The following ASXL1 variants were observed in gnomAD, a reference collection of about 807,000 sequenced individuals.
ASXL1 encodes the protein polycomb group protein ASXL1.
Under a neutral mutation model 89.1 loss-of-function variants are expected in ASXL1, and 65 were observed. The observed-to-expected ratio is 0.73, with a 90% CI of 0.60 to 0.90. The LOEUF (loss-of-function observed/expected upper bound fraction) is 0.90, where lower values mean the gene tolerates loss of function less well. Among genes scored for constraint, ASXL1 ranks in the 40% least tolerant of loss-of-function variants. ASXL1 has a pLI of 0.00. For synonymous variants in ASXL1, 739 were observed against 746.9 expected, an observed-to-expected ratio of 0.99 and a Z score of 0.17; for missense variants, 1,786 against 1,942.9, an observed-to-expected ratio of 0.92 and a Z score of 1.52.
In ASXL1 at chr20:32,429,871, C is replaced by A; in HGVS notation, c.566-30C>A. 2 of 1,605,138 alleles carry A rather than the reference C, an allele frequency of 1.2e-6. No individual in the cohort carries two copies. The highest frequency in any genetic ancestry group is 1.7e-6 in the Non-Finnish European group (2 of 1,178,984). On this transcript the variant is annotated intron_variant, in intron 7 of 12. Coordinates refer to ENST00000375687, the MANE Select transcript of ASXL1 (RefSeq NM_015338.6). The surrounding 1 kb of genome is among the most constrained non-coding windows in gnomAD (Gnocchi z 4.9). ...GAGCCATGGGCGCGGCTTGGTGATA[C>A]TTTTGACCAGTGGAATGCTGTGCCT...
At chr20:32,363,863 C>T (rs1194782898) in intron 1 of ASXL1, among the ~76,000 whole-genome samples, 1 of 152,146 alleles carries the variant, frequency 6.6e-6, no homozygotes, top group Non-Finnish European at 1.5e-5. Flanking sequence ...GGTATATCTA[C>T]AAATTATTGG....
intron 4 of ASXL1, among the ~76,000 whole-genome samples, chr20:32,405,601 A>G (rs1025894944): frequency 2.0e-5 from 3 of 152,192 alleles, no homozygotes; most frequent in African/African-American, 4.8e-5. Context: ...TGGAGTTGTC[A>G]TATGTCTTTG....
At chr20:32,398,041 T>G (rs1327079195) in intron 4 of ASXL1, among the ~76,000 whole-genome samples, 1 of 152,226 alleles carries the variant, frequency 6.6e-6, no homozygotes, top group Non-Finnish European at 1.5e-5. Flanking sequence ...TTTGTAGCCT[T>G]ATAGTATCTA....
chr20:32,393,126 T>C (rs1031606520), intron 4 of ASXL1, among the ~76,000 whole-genome samples: 2 of 152,250 alleles, frequency 1.3e-5, no homozygotes, highest in African/African-American at 4.8e-5. Flanking sequence ...CGATTTTCTG[T>C]TCTATCAATT....
intron 10 of ASXL1, chr20:32,432,593 G>T: frequency 2.6e-6 from 1 of 386,774 alleles, no homozygotes; most frequent in Non-Finnish European, 4.9e-6. Flanking sequence ...CTTTCTAAGA[G>T]TAAACAATCA....
chr20:32,398,711 G>A (rs1469492425), intron 4 of ASXL1, among the ~76,000 whole-genome samples: 3 of 148,504 alleles, frequency 2.0e-5, no homozygotes, highest in East Asian at 4.0e-4. Flanking sequence ...CCGGGTTCAC[G>A]CCATTCTCCT....
intron 1 of ASXL1, 165 bp downstream of exon 1, chr20:32,358,997 C>T (rs1323383472): frequency 5.3e-6 from 4 of 755,214 alleles, no homozygotes; most frequent in African/African-American, 1.8e-5. Flanking sequence ...GGGTGGGGAG[C>T]GCTCCGCCGG....
chr20:32,416,955 C>T (rs921990340), intron 4 of ASXL1, among the ~76,000 whole-genome samples: 1 of 152,124 alleles, frequency 6.6e-6, no homozygotes, highest in African/African-American at 2.4e-5. Flanking sequence ...ATTCCTGATA[C>T]AGATCTATAG....
intron 1 of ASXL1, chr20:32,359,189 G>C: frequency 2.9e-6 from 2 of 695,276 alleles, no homozygotes; most frequent in Non-Finnish European, 5.2e-6. Context: ...CATTCACCCG[G>C]GGGAGTTGGG....
chr20:32,398,015 CGTATA>C (rs1193775607), intron 4 of ASXL1, among the ~76,000 whole-genome samples: 1 of 152,122 alleles, frequency 6.6e-6, no homozygotes, highest in Non-Finnish European at 1.5e-5. Flanking sequence ...AGGGTATTTA[CGTATA>C]GATCGGTTCG....
chr20:32,408,226 G>T (rs187573957), intron 4 of ASXL1, among the ~76,000 whole-genome samples: 36 of 152,300 alleles, frequency 2.4e-4, no homozygotes, highest in Admixed American at 1.0e-3. Context: ...GAGTCACCAT[G>T]CCTGGCCTCA....
intron 4 of ASXL1, among the ~76,000 whole-genome samples, chr20:32,377,138 TTA>T (rs2048398230): frequency 1.4e-5 from 2 of 141,548 alleles, no homozygotes; most frequent in African/African-American, 5.2e-5. Flanking sequence ...ATAATATATA[TTA>T]TATATTATAC....
chr20:32,367,769 T>A (rs1309000284), intron 3 of ASXL1, 40 bp downstream of exon 3: 1 of 780,592 alleles, frequency 1.3e-6, no homozygotes, highest in Admixed American at 1.7e-5. Flanking sequence ...TTGAGAACCT[T>A]AACTTGTTTC....
At chr20:32,401,827 A>T (rs1351029882) in intron 4 of ASXL1, among the ~76,000 whole-genome samples, 2 of 152,154 alleles carry the variant, frequency 1.3e-5, no homozygotes, top group Non-Finnish European at 2.9e-5. Context: ...AAGTGCTGGG[A>T]TTACAGGCGT....
At position 32,366,469 on chromosome 20, in the gene ASXL1, T is replaced by G. The variant is rs2122812105; in HGVS notation, c.140+3T>G. 1 of 1,613,692 alleles carries G rather than the reference T, an allele frequency of 6.2e-7. No homozygotes were observed. Among genetic ancestry groups the G allele is most frequent in the Non-Finnish European group, 8.5e-7 (1 of 1,179,574 alleles). ...GCAGAAGGACTAAAGGAAATGAGGT[T>G]TGTATTGTTCTTGTTGCTTAACATG... On this transcript the variant is annotated splice_donor_region_variant and intron_variant, in intron 2 of 12. Transcript: ENST00000375687.
chr20:32,406,720 C>A (rs1465230567), intron 4 of ASXL1, among the ~76,000 whole-genome samples: 1 of 152,172 alleles, frequency 6.6e-6, no homozygotes, highest in Non-Finnish European at 1.5e-5. Context: ...TGACCAGTCA[C>A]ATCAGGGTGT....
At chr20:32,374,717 A>C (rs2048349729) in intron 4 of ASXL1, among the ~76,000 whole-genome samples, 1 of 152,184 alleles carries the variant, frequency 6.6e-6, no homozygotes, top group Non-Finnish European at 1.5e-5. Context: ...TTGTGCAGGC[A>C]TTTAGTTTAT....
At chr20:32,375,750 A>G (rs2048367847) in intron 4 of ASXL1, among the ~76,000 whole-genome samples, 1 of 150,836 alleles carries the variant, frequency 6.6e-6, no homozygotes, top group Admixed American at 6.6e-5. Context: ...TGGCATGATC[A>G]CGGCTTACTG....
chr20:32,436,555 C>A lies in ASXL1; in HGVS notation c.3843C>A (p.Ser1281=). 6.2e-7 allele frequency: 1 copy of A among 1,614,240 alleles called. No homozygotes were observed. The change falls in exon 13 of 13, where the codon TCC becomes TCA. Residue 1281 remains serine (S), a synonymous_variant. Transcript: ENST00000375687. ...TPRFSSPNVI[S]FGPEQTGRAL... is the part of the protein sequence containing the mutation. ...GTTTCTCATCTCCAAATGTGATCTC[C>A]TTTGGTCCAGAGCAGACAGGTCGGG...
Sources: allele counts gnomAD v4.1 joint callset (sites outside exome capture counted in the v4.1 genomes callset), GRCh38; gene constraint gnomAD v4.1.1; non-coding constraint Gnocchi (gnomAD v3.1); transcripts MANE v1.5; gene names NCBI Gene and HGNC (gene_info 2026-07-23, HGNC 2026-07-21).